MAST4: variants seen among roughly 807,000 people sequenced by gnomAD.
MAST4 encodes microtubule-associated serine/threonine-protein kinase 4.
A neutral mutation model predicts 162.7 loss-of-function variants in MAST4; 89 were observed. That is an observed-to-expected ratio of 0.55 (90% CI 0.46 to 0.65). The LOEUF is 0.65. MAST4 is among the 30% of genes least tolerant of loss of function. The pLI is 0.00. For missense variants in MAST4, 3,153 were observed against 3,374.0 expected, an observed-to-expected ratio of 0.93 and a Z score of 1.62; for synonymous variants, 1,479 against 1,361.1, an observed-to-expected ratio of 1.09 and a Z score of -1.91.
At chr5:67,031,138 T>C (rs1755264674) in intron 4 of MAST4, among the ~76,000 whole-genome samples, 1 of 152,166 alleles carries the variant, frequency 6.6e-6, no homozygotes, top group African/African-American at 2.4e-5. Flanking sequence ...ATGTATGCGT[T>C]TATTAAATAG....
At chr5:66,628,691 T>G (rs1189567571) in intron 1 of MAST4, among the ~76,000 whole-genome samples, 2 of 152,108 alleles carry the variant, frequency 1.3e-5, no homozygotes, top group Non-Finnish European at 2.9e-5. Flanking sequence ...TGATAGCAGA[T>G]CCTATGTATT....
intron 1 of MAST4, among the ~76,000 whole-genome samples, chr5:66,652,084 C>A (rs1746261421): frequency 6.6e-6 from 1 of 152,114 alleles, no homozygotes; most frequent in African/African-American, 2.4e-5. Context: ...TTATTGGGGG[C>A]CATTTTAGTT....
At chr5:67,088,678 AT>A (rs1763518069) in intron 5 of MAST4, among the ~76,000 whole-genome samples, 1 of 152,134 alleles carries the variant, frequency 6.6e-6, no homozygotes, top group Admixed American at 6.5e-5. Flanking sequence ...AGCAGAATTC[AT>A]TTCTCCAGGG....
At chr5:67,048,956 G>T in intron 4 of MAST4, among the ~76,000 whole-genome samples, 1 of 141,146 alleles carries the variant, frequency 7.1e-6, no homozygotes, top group African/African-American at 2.6e-5. Flanking sequence ...CATATAGTGT[G>T]GTTATACATA....
At chr5:66,644,729 A>G (rs1745709553) in intron 1 of MAST4, among the ~76,000 whole-genome samples, 1 of 151,390 alleles carries the variant, frequency 6.6e-6, no homozygotes, top group Non-Finnish European at 1.5e-5. Context: ...TTTGTTTTGG[A>G]CAGCTACATT....
rs150928994 is a variant in MAST4 at position 66,719,223 on chromosome 5, G to T, written c.364-40486G>T. 2.2e-4 allele frequency among the ~76,000 whole-genome samples: 33 copies of T among 152,318 alleles called. No individual in the cohort carries two copies. In the East Asian group the frequency reaches 6.4e-3, roughly 29 times the overall value. On this transcript the variant is annotated intron_variant, in intron 1 of 28. Transcript: ENST00000403625. ...CGCCTTGGGTACCTCCTCTTGTTTG[G>T]CTATTTTAAAAGCTTTCTCAAACCT...
intron 5 of MAST4, among the ~76,000 whole-genome samples, chr5:67,084,620 T>C (rs1402794525): frequency 6.6e-6 from 1 of 152,208 alleles, no homozygotes; most frequent in African/African-American, 2.4e-5. Flanking sequence ...GTTTATCCCT[T>C]ACCATCACTT....
chr5:67,133,404 GA>G, intron 16 of MAST4, 109 bp from the exon 17 acceptor site: 1 of 1,204,170 alleles, frequency 8.3e-7, no homozygotes, highest in Non-Finnish European at 1.2e-6. Context: ...TAATAAGCTT[GA>G]TGCCCATATA....
intron 4 of MAST4, among the ~76,000 whole-genome samples, chr5:66,915,566 T>G (rs1340229360): frequency 1.3e-5 from 2 of 152,252 alleles, no homozygotes; most frequent in African/African-American, 2.4e-5. Context: ...GACATGGCAT[T>G]GTCCATAGAT....
intron 3 of MAST4, among the ~76,000 whole-genome samples, chr5:66,837,659 T>C (rs902973185): frequency 1.3e-5 from 2 of 151,750 alleles, no homozygotes; most frequent in African/African-American, 2.4e-5. Context: ...ATAGTCTAGA[T>C]ACAATCACAG....
At chr5:67,050,204 T>C (rs1757999708) in intron 4 of MAST4, among the ~76,000 whole-genome samples, 1 of 152,166 alleles carries the variant, frequency 6.6e-6, no homozygotes, top group Admixed American at 6.5e-5. Context: ...TTGGCAGTAA[T>C]TAAGAAATTG....
chr5:66,673,516 G>GTTTTTTT (rs1422436456), intron 1 of MAST4, among the ~76,000 whole-genome samples: 1 of 134,784 alleles, frequency 7.4e-6, no homozygotes, highest in African/African-American at 3.1e-5. Context: ...AGTTTTTTTT[G>GTTTTTTT]TTTTTTGTTT....
intron 3 of MAST4, among the ~76,000 whole-genome samples, chr5:66,861,947 G>A (rs970802255): frequency 6.6e-6 from 1 of 152,134 alleles, no homozygotes; most frequent in East Asian, 1.9e-4. Context: ...TTTCACATAG[G>A]AACCTGTGTG....
At chr5:66,877,519 C>T (rs899552891) in intron 3 of MAST4, among the ~76,000 whole-genome samples, 1 of 152,190 alleles carries the variant, frequency 6.6e-6, no homozygotes, top group African/African-American at 2.4e-5. Flanking sequence ...AGCCCCTGTT[C>T]TTAACCACTA....
chr5:67,094,744 T>TTG (rs1764246899), intron 6 of MAST4, among the ~76,000 whole-genome samples: 1 of 152,178 alleles, frequency 6.6e-6, no homozygotes, highest in Non-Finnish European at 1.5e-5. Context: ...TCTGAGACCC[T>TTG]TGTAATGACC....
At chr5:66,755,416 A>G (rs894937191) in intron 1 of MAST4, among the ~76,000 whole-genome samples, 3 of 152,218 alleles carry the variant, frequency 2.0e-5, no homozygotes, top group Admixed American at 2.0e-4. Flanking sequence ...GTGTCTGAAA[A>G]TGAGGTCGGA....
At chr5:67,161,821 A>G (rs989520166) in intron 27 of MAST4, among the ~76,000 whole-genome samples, 1 of 152,222 alleles carries the variant, frequency 6.6e-6, no homozygotes, top group African/African-American at 2.4e-5. Flanking sequence ...TAAATCATTT[A>G]GAACAAATTG....
chr5:67,024,396 A>G lies in MAST4; in HGVS notation c.675-30008A>G, dbSNP rs1034941871. Among the ~76,000 whole-genome samples the G allele has an allele frequency of 1.1e-4, 16 of 150,948 alleles. No individual in the cohort carries two copies. In the East Asian group the frequency reaches 1.7e-3, roughly 16 times the overall value. Reference sequence around the variant, plus strand: ...ATATGTACACACACGATATATATCTATATGTATACACATACATAATCGTGC... The same window carrying G: ...ATATGTACACACACGATATATATCTGTATGTATACACATACATAATCGTGC... On this transcript the variant is annotated intron_variant, in intron 4 of 28. Coordinates refer to ENST00000403625, the MANE Select transcript of MAST4 (RefSeq NM_001164664.2).
intron 4 of MAST4, among the ~76,000 whole-genome samples, chr5:66,906,346 G>A (rs1015696642): frequency 2.0e-5 from 3 of 152,234 alleles, no homozygotes; most frequent in Non-Finnish European, 4.4e-5. Flanking sequence ...GTCAGATGGG[G>A]GACTTAGAAT....
Sources: gnomAD v4.1 joint callset for allele counts (sites outside exome capture counted in the v4.1 genomes callset) on GRCh38, gnomAD v4.1.1 for gene constraint, MANE v1.5 for transcripts, NCBI Gene and HGNC (gene_info 2026-07-23, HGNC 2026-07-21) for gene names.